The following PLCD4 variants were observed in gnomAD, a reference collection of about 807,000 sequenced individuals.
PLCD4 encodes phospholipase C delta 4.
Under a neutral mutation model 90.2 loss-of-function variants are expected in PLCD4, and 63 were observed. The ratio of observed to expected loss-of-function variants is 0.70; its 90% CI spans 0.57 to 0.86. The LOEUF is 0.86. Among genes scored for constraint, PLCD4 ranks in the 40% least tolerant of loss-of-function variants. PLCD4 has a pLI of 0.00. For synonymous variants in PLCD4, 294 were observed against 356.5 expected (o/e 0.82, Z 1.97); for missense variants, 830 against 956.3 (o/e 0.87, Z 1.74).
chr2:218,619,960 C>T (rs906494431), intron 4 of PLCD4, among the ~76,000 whole-genome samples: 9 of 152,144 alleles, frequency 5.9e-5, no homozygotes, highest in East Asian at 1.9e-4. Context: ...TCACTGCAGC[C>T]GTGACAGCCT....
intron 4 of PLCD4, among the ~76,000 whole-genome samples, chr2:218,620,725 T>C (rs1695834305): frequency 6.8e-6 from 1 of 146,980 alleles, no homozygotes. Context: ...AAAACAAACA[T>C]ACAAATGAAC....
At chr2:218,611,771 GTAT>G (rs1695346238) in intron 1 of PLCD4, among the ~76,000 whole-genome samples, 1 of 151,798 alleles carries the variant, frequency 6.6e-6, no homozygotes, top group South Asian at 2.1e-4. Context: ...GCTACTTTTC[GTAT>G]TTTTAATAGA....
chr2:218,626,019 T>C (rs1006445739), intron 6 of PLCD4, among the ~76,000 whole-genome samples: 13 of 150,832 alleles, frequency 8.6e-5, no homozygotes, highest in African/African-American at 3.2e-4. Context: ...TATGGGAGGG[T>C]GAGGCAGGAG....
intron 14 of PLCD4, 30 bp downstream of exon 14, chr2:218,635,961 G>A (rs1307960044): frequency 1.2e-6 from 2 of 1,613,806 alleles, no homozygotes; most frequent in South Asian, 2.2e-5. Flanking sequence ...GGGGAGGTGG[G>A]GGTAGGAGCA....
At chr2:218,610,708 T>C (rs185604265) in intron 1 of PLCD4, among the ~76,000 whole-genome samples, 5 of 151,988 alleles carry the variant, frequency 3.3e-5, no homozygotes, top group African/African-American at 1.2e-4. Flanking sequence ...GAGCTGGTTG[T>C]ATGGAGACCT....
chr2:218,634,715 T>C lies in PLCD4; in HGVS notation c.1896+85T>C. On this transcript the variant is annotated intron_variant, in intron 13 of 15. Transcript: ENST00000450993. This position sits in a 1 kb window ranked among gnomAD's most constrained non-coding sequence, Gnocchi z 4.0. ...GAGGTGGCTAGGCCTGACCGGAATGTAGAGGCCGGATAGCCTATTAACAGT... is the reference window on the plus strand; with the variant it reads ...GAGGTGGCTAGGCCTGACCGGAATGCAGAGGCCGGATAGCCTATTAACAGT... The C allele has an allele frequency of 6.9e-7, 1 of 1,453,718 alleles. No individual in the cohort carries two copies. Among genetic ancestry groups the C allele is most frequent in the Non-Finnish European group, 9.4e-7 (1 of 1,063,316 alleles). The allele number at this position is 1,453,718 out of a possible 1,614,324, so 90.1% of individuals were successfully genotyped here. A position where few individuals can be genotyped will look rare whatever the true frequency, so the allele number is the denominator to read the frequency against.
Position 218,615,976 on chromosome 2 carries a change from G to C in PLCD4, c.95G>C (p.Trp32Ser). The change falls in exon 3 of 16, where the codon TGG becomes TCG. Residue 32 changes from tryptophan to serine, a missense_variant. Trp to Ser is a radical substitution (Grantham distance 177). Coordinates refer to ENST00000450993, the MANE Select transcript of PLCD4 (RefSeq NM_032726.4). Reference protein sequence around the residue: ...MPMRKVRSKSWKKLRYFRLQN... With the variant: ...MPMRKVRSKSSKKLRYFRLQN... ...ATGCGCAAGGTGAGGTCCAAAAGCT[G>C]GAAGAAGCTAAGATACTTCAGACTT... 1.2e-6 allele frequency: 2 copies of C among 1,614,052 alleles called. No individual in the cohort carries two copies. Among genetic ancestry groups the C allele is most frequent in the Non-Finnish European group, 1.7e-6 (2 of 1,179,896 alleles).
chr2:218,635,735 G>A, intron 13 of PLCD4, 61 bp from the exon 14 acceptor site: 2 of 1,563,636 alleles, frequency 1.3e-6, no homozygotes, highest in South Asian at 2.4e-5. Flanking sequence ...GGGGTTGGGA[G>A]TAGGGTCGGG....
chr2:218,627,801 C>T (rs548140444), intron 6 of PLCD4, among the ~76,000 whole-genome samples: 1 of 152,134 alleles, frequency 6.6e-6, no homozygotes, highest in Non-Finnish European at 1.5e-5. Context: ...CGTGAGGCAC[C>T]GCGCCCAGCC....
intron 13 of PLCD4, 131 bp from the exon 14 acceptor site, chr2:218,635,665 T>C: frequency 2.3e-6 from 3 of 1,293,626 alleles, no homozygotes; most frequent in Non-Finnish European, 3.1e-6. Flanking sequence ...GATAGAATAC[T>C]AGAAGAAAAT....
At chr2:218,625,141 G>GAAA in intron 6 of PLCD4, among the ~76,000 whole-genome samples, 1 of 107,116 alleles carries the variant, frequency 9.3e-6, no homozygotes, top group African/African-American at 3.6e-5. Context: ...AAGAAAGAAA[G>GAAA]AAAGAAAAAA....
At chr2:218,635,699 AC>A in intron 13 of PLCD4, 96 bp from the exon 14 acceptor site, 1 of 1,464,478 alleles carries the variant, frequency 6.8e-7, no homozygotes, top group Non-Finnish European at 9.1e-7. Context: ...AGGATGTTTT[AC>A]AAACCAAAAA....
chr2:218,634,462 C>G lies in PLCD4; in HGVS notation c.1728C>G (p.Ala576=). The G allele has an allele frequency of 6.2e-7, 1 of 1,611,156 alleles. No homozygotes were observed. The highest frequency in any genetic ancestry group is 8.5e-7 in the Non-Finnish European group (1 of 1,178,796). The change falls in exon 13 of 16, where the codon GCC becomes GCG. Residue 576 remains alanine, a synonymous_variant. Transcript: ENST00000450993. This position sits in a 1 kb window ranked among gnomAD's most constrained non-coding sequence, Gnocchi z 4.0. The part of the protein sequence containing the change: ...ELWNAGCQMV[A]MNMQTAGLEM... The stretch of plus-strand genomic sequence containing the variant: ...CTTTTCTCCTGGGGCCCTCAGTGGC[C>G]ATGAATATGCAGACTGCAGGGCTTG...
intron 1 of PLCD4, among the ~76,000 whole-genome samples, 179 bp downstream of exon 1, chr2:218,608,249 C>T (rs926890645): frequency 6.6e-6 from 1 of 152,180 alleles, no homozygotes; most frequent in Non-Finnish European, 1.5e-5. Flanking sequence ...CCTCCTTTAT[C>T]CTTACAGCTT....
Position 218,635,585 on chromosome 2 carries a change from G to A in PLCD4, c.1897-211G>A, listed in dbSNP as rs563549779. ...TGGTTTCAAGTGATCTGCCCACCTC[G>A]GCCTCCTGAAGTGTTGGGATTACAG... On this transcript the variant is annotated intron_variant, in intron 13 of 15. Coordinates refer to ENST00000450993, the MANE Select transcript of PLCD4 (RefSeq NM_032726.4). 4.6e-5 allele frequency among the ~76,000 whole-genome samples: 7 copies of A among 152,260 alleles called. No individual in the cohort carries two copies. In the East Asian group the frequency reaches 9.6e-4, roughly 21 times the overall value.
intron 1 of PLCD4, 57 bp from the exon 2 acceptor site, chr2:218,615,650 G>T (rs1695541892): frequency 1.4e-6 from 2 of 1,441,778 alleles, no homozygotes; most frequent in Non-Finnish European, 9.3e-7. Context: ...GCAAAAATCA[G>T]CTACAGACTA....
At chr2:218,633,502 C>A in intron 10 of PLCD4, 103 bp from the exon 11 acceptor site, 1 of 1,342,716 alleles carries the variant, frequency 7.4e-7, no homozygotes, top group Non-Finnish European at 1.1e-6. Context: ...AGGGAGAATA[C>A]AGTGGGGAGG....
At chr2:218,614,164 T>C (rs1304994298) in intron 1 of PLCD4, among the ~76,000 whole-genome samples, 2 of 151,430 alleles carry the variant, frequency 1.3e-5, no homozygotes, top group African/African-American at 4.9e-5. Context: ...GGATTACAGG[T>C]GCACACAACC....
chr2:218,615,009 A>C lies in PLCD4; in HGVS notation c.-33-698A>C, dbSNP rs570886035. Among the ~76,000 whole-genome samples, 3 of 152,032 alleles carry C rather than the reference A, an allele frequency of 2.0e-5. No individual in the cohort carries two copies. In the South Asian group the frequency reaches 6.2e-4, roughly 32 times the overall value. ...TTTGGGAGGCCGAGGTGGGCGGATC[A>C]CGAGGTCAGGAGATTGAGACCATCC... is the stretch of plus-strand genomic sequence containing the variant. On this transcript the variant is annotated intron_variant, in intron 1 of 15. Coordinates refer to ENST00000450993, the MANE Select transcript of PLCD4 (RefSeq NM_032726.4).
Sources: allele counts gnomAD v4.1 joint callset (sites outside exome capture counted in the v4.1 genomes callset), GRCh38; gene constraint gnomAD v4.1.1; non-coding constraint Gnocchi (gnomAD v3.1); transcripts MANE v1.5; gene names NCBI Gene and HGNC (gene_info 2026-07-23, HGNC 2026-07-21).